PAPPA2: variants seen among roughly 807,000 people sequenced by gnomAD.
PAPPA2 encodes pappalysin 2, also known as pappalysin-2.
Under a neutral mutation model 176.4 loss-of-function variants are expected in PAPPA2, and 86 were observed. The ratio of observed to expected loss-of-function variants is 0.49; its 90% CI spans 0.41 to 0.58. The LOEUF is 0.58. Among genes scored for constraint, PAPPA2 ranks in the 20% least tolerant of loss-of-function variants. The probability of loss-of-function intolerance (pLI) is 0.00; values close to 1 mark genes in which losing one functional copy is unlikely to be tolerated. For synonymous variants in PAPPA2, 809 were observed against 852.2 expected (o/e 0.95, Z 0.88); for missense variants, 2,073 against 2,256.9 (o/e 0.92, Z 1.65).
chr1:176,702,563 T>G, intron 8 of PAPPA2, 44 bp from the exon 9 acceptor site: 2 of 1,606,362 alleles, frequency 1.2e-6, no homozygotes, highest in Non-Finnish European at 8.5e-7. Flanking sequence ...AGGGCATGCC[T>G]CACTTTGTGG....
rs144878855 is a variant in PAPPA2 at position 176,778,741 on chromosome 1, T to C, written c.4715+7561T>C. Among the ~76,000 whole-genome samples the C allele has an allele frequency of 8.9e-4, 136 of 152,310 alleles. No homozygotes were observed. In the Middle Eastern group the frequency reaches 0.02, roughly 23 times the overall value. On this transcript the variant is annotated intron_variant, in intron 17 of 22. Coordinates refer to ENST00000367662, the MANE Select transcript of PAPPA2 (RefSeq NM_020318.3). Reference sequence around the variant, plus strand: ...TGCTCAAGGAAAGAACACACATTAATCTCTATGTACACTCATGTATCTGTG... The same window carrying C: ...TGCTCAAGGAAAGAACACACATTAACCTCTATGTACACTCATGTATCTGTG...
intron 3 of PAPPA2, among the ~76,000 whole-genome samples, chr1:176,606,515 A>G (rs1654619717): frequency 6.6e-6 from 1 of 152,170 alleles, no homozygotes. Context: ...CCCAGGCTGG[A>G]GTACAGTGGC....
intron 14 of PAPPA2, among the ~76,000 whole-genome samples, chr1:176,759,658 G>A (rs148136852): frequency 5.3e-5 from 8 of 152,210 alleles, no homozygotes; most frequent in Admixed American, 1.3e-4. Flanking sequence ...TGAGCTCCCC[G>A]AATATGGACC....
At chr1:176,586,913 T>G (rs1339227151) in intron 2 of PAPPA2, among the ~76,000 whole-genome samples, 2 of 152,192 alleles carry the variant, frequency 1.3e-5, no homozygotes, top group South Asian at 4.1e-4. Context: ...CCACCAACAG[T>G]GTAAAAGCTT....
At chr1:176,771,275 A>G in intron 17 of PAPPA2, 95 bp downstream of exon 17, 1 of 1,306,118 alleles carries the variant, frequency 7.7e-7, no homozygotes, top group Non-Finnish European at 1.1e-6. Flanking sequence ...GCAGGGCTAT[A>G]TTCTCCAGTC....
intron 3 of PAPPA2, among the ~76,000 whole-genome samples, chr1:176,615,787 A>G (rs530942672): frequency 8.3e-4 from 126 of 152,228 alleles, no homozygotes; most frequent in Non-Finnish European, 1.5e-3. Flanking sequence ...ATCACCATGT[A>G]AGCCCTACTT....
intron 1 of PAPPA2, among the ~76,000 whole-genome samples, chr1:176,468,320 G>T (rs1351444318): frequency 6.6e-6 from 1 of 152,214 alleles, no homozygotes; most frequent in East Asian, 1.9e-4. Context: ...AAGAGCATTT[G>T]GGTGTTTAAC....
intron 3 of PAPPA2, among the ~76,000 whole-genome samples, chr1:176,650,904 A>G (rs2102742507): frequency 6.6e-6 from 1 of 151,830 alleles, no homozygotes. Flanking sequence ...TGAGGCTTCA[A>G]GAAAACATCT....
At chr1:176,692,016 G>A (rs1660140647) in intron 5 of PAPPA2, 110 bp from the exon 6 acceptor site, 1 of 1,019,954 alleles carries the variant, frequency 9.8e-7, no homozygotes, top group Non-Finnish European at 1.5e-6. Flanking sequence ...AGTGCTCATT[G>A]AGCCTAATAA....
intron 1 of PAPPA2, among the ~76,000 whole-genome samples, chr1:176,492,611 G>T (rs1647351684): frequency 6.6e-6 from 1 of 152,184 alleles, no homozygotes; most frequent in Admixed American, 6.5e-5. Flanking sequence ...GCTCCTTGGA[G>T]GAGTGTGAGT....
chr1:176,774,215 C>T (rs1664350330), intron 17 of PAPPA2, among the ~76,000 whole-genome samples: 1 of 152,056 alleles, frequency 6.6e-6, no homozygotes, highest in Non-Finnish European at 1.5e-5. Context: ...TCTTTTCCAA[C>T]TTGTCAGGCA....
At chr1:176,539,727 G>C (rs1370227063) in intron 1 of PAPPA2, among the ~76,000 whole-genome samples, 1 of 152,162 alleles carries the variant, frequency 6.6e-6, no homozygotes, top group East Asian at 1.9e-4. Context: ...TTCCTCCTGG[G>C]CCAGCAAAGA....
chr1:176,709,880 C>G, intron 10 of PAPPA2, 103 bp from the exon 11 acceptor site: 1 of 1,073,506 alleles, frequency 9.3e-7, no homozygotes, highest in Non-Finnish European at 1.4e-6. Context: ...GCAGAATTCT[C>G]TTCAGTGGGC....
intron 4 of PAPPA2, among the ~76,000 whole-genome samples, chr1:176,684,102 C>T (rs1303414744): frequency 6.6e-6 from 1 of 152,128 alleles, no homozygotes; most frequent in Admixed American, 6.5e-5. Context: ...GTGGCAGAGG[C>T]TTAGAAAACC....
chr1:176,689,510 A>G lies in PAPPA2; in HGVS notation c.2138-627A>G, dbSNP rs554006566. Among the ~76,000 whole-genome samples, 9 of 152,284 alleles carry G rather than the reference A, an allele frequency of 5.9e-5. 1 individual carries two copies. The South Asian group carries it at 1.9e-3, about 32-fold the overall frequency. On this transcript the variant is annotated intron_variant, in intron 4 of 22. Coordinates refer to ENST00000367662, the MANE Select transcript of PAPPA2 (RefSeq NM_020318.3). ...TGAGAGTAGGGATTATTAAATCAGAAGCAGTCTACACAGCTGTCATTTCCT... is the reference window on the plus strand; with the variant it reads ...TGAGAGTAGGGATTATTAAATCAGAGGCAGTCTACACAGCTGTCATTTCCT...
Position 176,711,970 on chromosome 1 carries a change from G to A in PAPPA2, c.3787G>A (p.Val1263Ile). The change falls in exon 12 of 23, where the codon GTT (valine) becomes ATT (isoleucine). Residue 1263 changes from valine to isoleucine, a missense_variant. Physicochemically the swap from Val to Ile is conservative, Grantham distance 29 (BLOSUM62 3). Coordinates refer to ENST00000367662, the MANE Select transcript of PAPPA2 (RefSeq NM_020318.3). Reference protein sequence around the residue: ...PEGSLKKEDEVWLKVCFNRPG... With the variant: ...PEGSLKKEDEIWLKVCFNRPG... ...AGGTAGCCTGAAGAAAGAGGATGAG[G>A]TTTGGCTCAAAGTAAGTGGCCCAAA... The A allele has an allele frequency of 6.2e-7, 1 of 1,611,784 alleles. No homozygotes were observed. The highest frequency in any genetic ancestry group is 1.3e-5 in the African/African-American group (1 of 74,962).
At chr1:176,598,992 C>CA (rs1481333574) in intron 3 of PAPPA2, among the ~76,000 whole-genome samples, 1 of 152,140 alleles carries the variant, frequency 6.6e-6, no homozygotes, top group Admixed American at 6.5e-5. Flanking sequence ...ATGCACTTCT[C>CA]AGAATGATTT....
intron 3 of PAPPA2, among the ~76,000 whole-genome samples, chr1:176,661,264 TA>T (rs1658345147): frequency 6.6e-6 from 1 of 152,082 alleles, no homozygotes; most frequent in Non-Finnish European, 1.5e-5. Context: ...CCACTGTAGC[TA>T]TTTTAACCAA....
At chr1:176,840,401 C>T (rs1667443453) in intron 22 of PAPPA2, 130 bp downstream of exon 22, 1 of 710,896 alleles carries the variant, frequency 1.4e-6, no homozygotes, top group Admixed American at 2.5e-5. Context: ...TTATAATGAA[C>T]AAACATTGGA....
Sources: gnomAD v4.1 joint callset for allele counts (sites outside exome capture counted in the v4.1 genomes callset) on GRCh38, gnomAD v4.1.1 for gene constraint, MANE v1.5 for transcripts, NCBI Gene and HGNC (gene_info 2026-07-23, HGNC 2026-07-21) for gene names.